PALM2AKAP2: variants seen among roughly 807,000 people sequenced by gnomAD.
PALM2AKAP2 encodes the protein PALM2 and AKAP2 fusion.
Under a neutral mutation model 71.5 loss-of-function variants are expected in PALM2AKAP2, and 37 were observed. The observed-to-expected ratio is 0.52, with a 90% CI of 0.40 to 0.68. The LOEUF is 0.68. Ranked by LOEUF, PALM2AKAP2 falls within the 30% of genes least tolerant of loss-of-function variation. PALM2AKAP2 has a pLI of 0.00. For synonymous variants in PALM2AKAP2, 468 were observed against 478.8 expected (o/e 0.98, Z 0.29); for missense variants, 1,224 against 1,191.8 (o/e 1.03, Z -0.40).
At chr9:109,815,826 A>G (rs1014053905) in intron 1 of PALM2AKAP2, among the ~76,000 whole-genome samples, 5 of 152,076 alleles carry the variant, frequency 3.3e-5, no homozygotes, top group African/African-American at 1.2e-4. Context: ...AGGGCATAGG[A>G]TTTGCATGGA....
intron 1 of PALM2AKAP2, among the ~76,000 whole-genome samples, chr9:109,793,413 T>C (rs1827169430): frequency 6.6e-6 from 1 of 152,254 alleles, no homozygotes; most frequent in African/African-American, 2.4e-5. Flanking sequence ...ATATATCTTA[T>C]ACTGCACTGA....
At chr9:109,899,910 A>C (rs554529471) in intron 3 of PALM2AKAP2, among the ~76,000 whole-genome samples, 1 of 152,240 alleles carries the variant, frequency 6.6e-6, no homozygotes, top group South Asian at 2.1e-4. Flanking sequence ...ACTGTGTCAT[A>C]GTACATTGGA....
intron 1 of PALM2AKAP2, among the ~76,000 whole-genome samples, chr9:110,116,208 C>G (rs1835356935): frequency 6.6e-6 from 1 of 152,140 alleles, no homozygotes; most frequent in Non-Finnish European, 1.5e-5. Flanking sequence ...CTGTTCCAAG[C>G]CCCAGCATTC....
intron 1 of PALM2AKAP2, among the ~76,000 whole-genome samples, chr9:109,782,012 G>T (rs1056135948): frequency 2.0e-5 from 3 of 152,192 alleles, no homozygotes; most frequent in African/African-American, 7.2e-5. Flanking sequence ...TGCAGTGGCT[G>T]TTCCCATTGG....
At chr9:109,691,524 A>G (rs1827883732) in intron 1 of PALM2AKAP2, among the ~76,000 whole-genome samples, 1 of 151,978 alleles carries the variant, frequency 6.6e-6, no homozygotes, top group Admixed American at 6.6e-5. Flanking sequence ...GCTAAGGACA[A>G]TGGTGTTCTT....
chr9:110,027,356 G>T (rs1055000844), intron 7 of PALM2AKAP2, among the ~76,000 whole-genome samples: 2 of 152,082 alleles, frequency 1.3e-5, no homozygotes, highest in Non-Finnish European at 2.9e-5. Context: ...TTTGTGATTT[G>T]GCTGTCATTT....
At chr9:109,715,398 C>G (rs910935822) in intron 1 of PALM2AKAP2, among the ~76,000 whole-genome samples, 1 of 152,186 alleles carries the variant, frequency 6.6e-6, no homozygotes, top group Non-Finnish European at 1.5e-5. Context: ...ATTTACTTCT[C>G]CCTGCCCAGG....
chr9:110,048,033 A>G (rs1833630976), upstream of PALM2AKAP2, among the ~76,000 whole-genome samples: 1 of 152,196 alleles, frequency 6.6e-6, no homozygotes, highest in Admixed American at 6.5e-5. Flanking sequence ...CACGGAGGGC[A>G]GCAGGAAGGC....
chr9:110,038,882 A>C (rs2132449928), intron 7 of PALM2AKAP2, among the ~76,000 whole-genome samples: 1 of 107,056 alleles, frequency 9.3e-6, no homozygotes. Context: ...CAGAGGTTGC[A>C]GTGAGCCGCG....
At chr9:110,046,966 T>C (rs2132483971), upstream of PALM2AKAP2, among the ~76,000 whole-genome samples, 1 of 152,264 alleles carries the variant, frequency 6.6e-6, no homozygotes, top group East Asian at 1.9e-4. Context: ...CCAAGCACAC[T>C]CATTTTAATG....
rs530149555 is a variant in PALM2AKAP2 at position 110,090,206 on chromosome 9, C to T, written c.156+41351C>T. ...TGGGGCAGCGTCCACCAGGTGTGTG[C>T]GGGCAGGTACAGGATGCGAGCTCAG... On this transcript the variant is annotated intron_variant, in intron 1 of 3. Coordinates refer to ENST00000374525, the Ensembl canonical transcript of PALM2AKAP2. The T allele has an allele frequency of 1.0e-4, 37 of 366,974 alleles. No homozygotes were observed. The East Asian group carries it at 2.0e-3, about 19-fold the overall frequency. 22.7% of individuals were successfully genotyped at this position (366,974 alleles called of 1,614,324 possible).
chr9:109,820,139 A>C (rs923306671), intron 1 of PALM2AKAP2, among the ~76,000 whole-genome samples: 4 of 152,226 alleles, frequency 2.6e-5, no homozygotes, highest in Non-Finnish European at 5.9e-5. Context: ...TTTGAATATC[A>C]AAATTGGATT....
intron 1 of PALM2AKAP2, among the ~76,000 whole-genome samples, chr9:109,826,312 T>G (rs532053952): frequency 3.4e-4 from 52 of 152,244 alleles, no homozygotes; most frequent in African/African-American, 1.2e-3. Context: ...CATGTATACA[T>G]ATGTAACAAA....
chr9:109,835,395 G>C (rs1750231182), intron 1 of PALM2AKAP2, among the ~76,000 whole-genome samples: 1 of 150,484 alleles, frequency 6.6e-6, no homozygotes, highest in Admixed American at 6.6e-5. Context: ...AGAGAGGGTG[G>C]GGGCGGTTCC....
chr9:109,786,229 C>A (rs1402500503), intron 1 of PALM2AKAP2, among the ~76,000 whole-genome samples: 1 of 152,222 alleles, frequency 6.6e-6, no homozygotes, highest in African/African-American at 2.4e-5. Flanking sequence ...TTGGTCCAGG[C>A]CTTTTAGGCC....
intron 3 of PALM2AKAP2, among the ~76,000 whole-genome samples, chr9:109,910,789 C>T (rs144329187): frequency 0.012 from 1,818 of 150,844 alleles, 43 homozygotes; most frequent in African/African-American, 0.042. Flanking sequence ...TAGGAGCAGA[C>T]GCAGCAGGGC....
At chr9:110,027,420 C>T (rs1022662521) in intron 7 of PALM2AKAP2, among the ~76,000 whole-genome samples, 1 of 152,124 alleles carries the variant, frequency 6.6e-6, no homozygotes, top group Admixed American at 6.5e-5. Flanking sequence ...GCCCTCTTGT[C>T]CATATATACT....
chr9:110,035,341 T>C (rs968521087), intron 7 of PALM2AKAP2, among the ~76,000 whole-genome samples: 25 of 143,862 alleles, frequency 1.7e-4, no homozygotes, highest in Non-Finnish European at 3.2e-4. Context: ...ATAATACATA[T>C]TATATATATT....
At chr9:110,105,244 G>A (rs1047172847) in intron 1 of PALM2AKAP2, among the ~76,000 whole-genome samples, 3 of 152,174 alleles carry the variant, frequency 2.0e-5, no homozygotes, top group Non-Finnish European at 2.9e-5. Flanking sequence ...AAGCCCTTGG[G>A]TTACTTTTTG....
Sources: gnomAD v4.1 joint callset for allele counts (sites outside exome capture counted in the v4.1 genomes callset) on GRCh38, gnomAD v4.1.1 for gene constraint, MANE v1.5 for transcripts, NCBI Gene and HGNC (gene_info 2026-07-23, HGNC 2026-07-21) for gene names.